The following ASIC2 variants were observed in gnomAD, a reference collection of about 807,000 sequenced individuals.
ASIC2 encodes acid-sensing ion channel 2.
A neutral mutation model predicts 57.3 loss-of-function variants in ASIC2; 25 were observed. The ratio of observed to expected loss-of-function variants is 0.44; its 90% confidence interval spans 0.32 to 0.61. ASIC2 has a LOEUF of 0.61. Among genes scored for constraint, ASIC2 ranks in the 20% least tolerant of loss-of-function variants. The pLI, the probability that ASIC2 is intolerant of heterozygous loss-of-function variation, is 0.06. For missense variants in ASIC2, 641 were observed against 738.1 expected (o/e 0.87, Z 1.52); for synonymous variants, 319 against 307.5 (o/e 1.04, Z -0.39).
intron 1 of ASIC2, among the ~76,000 whole-genome samples, chr17:33,148,637 C>T (rs924821284): frequency 3.9e-5 from 6 of 152,188 alleles, no homozygotes; most frequent in African/African-American, 1.4e-4. Flanking sequence ...TAATAAATTC[C>T]ATACTTCTTT....
At chr17:33,088,773 C>G in intron 3 of ASIC2, 90 bp downstream of exon 3, 13 of 1,451,944 alleles carry the variant, frequency 9.0e-6, no homozygotes, top group Non-Finnish European at 1.1e-5. Context: ...AGCCCTTGAC[C>G]GAGTGGGAAT....
intron 3 of ASIC2, among the ~76,000 whole-genome samples, chr17:33,030,992 A>T (rs1206343339): frequency 6.6e-6 from 1 of 152,088 alleles, no homozygotes; most frequent in Non-Finnish European, 1.5e-5. Flanking sequence ...CCTCCTTGTC[A>T]AGTTTGGGTA....
intron 1 of ASIC2, among the ~76,000 whole-genome samples, chr17:33,303,464 G>T (rs1316428188): frequency 6.6e-6 from 1 of 152,148 alleles, no homozygotes; most frequent in East Asian, 1.9e-4. Flanking sequence ...TAAGTAAATT[G>T]CAGAAGGCCA....
intron 1 of ASIC2, among the ~76,000 whole-genome samples, chr17:33,753,480 T>G (rs1910496962): frequency 6.6e-6 from 1 of 152,152 alleles, no homozygotes; most frequent in African/African-American, 2.4e-5. Context: ...GTTAGTAATG[T>G]GAAAAGAAAA....
At chr17:33,063,593 C>T (rs1246001566) in intron 3 of ASIC2, among the ~76,000 whole-genome samples, 1 of 152,186 alleles carries the variant, frequency 6.6e-6, no homozygotes, top group Admixed American at 6.5e-5. Context: ...CTGCCCTTAA[C>T]ATTTTTTCCT....
At position 33,799,208 on chromosome 17, in the gene ASIC2, GTTCCTTCC is replaced by G. The variant is rs56968316; in HGVS notation, c.555+356762_555+356769del. Among the ~76,000 whole-genome samples the G allele has an allele frequency of 7.0e-4, 106 of 151,582 alleles. 1 individual carries two copies. The East Asian group carries it at 0.017, about 24-fold the overall frequency. Reference sequence around the variant, plus strand: ...ACTCAGAGATATATTTGTGTAATCAGTTCCTTCCTTCCTTCCTTCCTTCTTCTCTTTCC... The same window carrying G: ...ACTCAGAGATATATTTGTGTAATCAGTTCCTTCCTTCCTTCTTCTCTTTCC... On this transcript the variant is annotated intron_variant, in intron 1 of 9. Coordinates refer to the ASIC2 transcript ENST00000359872.
intron 1 of ASIC2, among the ~76,000 whole-genome samples, chr17:33,895,638 CAAATAGCTTTTTA>C (rs1288092257): frequency 6.6e-6 from 1 of 152,166 alleles, no homozygotes; most frequent in Non-Finnish European, 1.5e-5. Context: ...AGCCAACAGA[CAAATAGCTTTTTA>C]AAATCCTTCA....
rs80159865 is a variant in ASIC2, at chr17:33,357,574, G to A, written c.556-245507C>T. On this transcript the variant is annotated intron_variant, in intron 1 of 9. Transcript: ENST00000359872. Reference sequence around the variant, plus strand: ...GCCTTCTTTCTAGTCGGGTAAGGACGTGTTACCAATCTCTCTCCTTTGGAA... The same window carrying A: ...GCCTTCTTTCTAGTCGGGTAAGGACATGTTACCAATCTCTCTCCTTTGGAA... 6.6e-5 allele frequency among the ~76,000 whole-genome samples: 10 copies of A among 152,208 alleles called. No homozygotes were observed. The East Asian group carries it at 1.4e-3, about 21-fold the overall frequency.
intron 1 of ASIC2, among the ~76,000 whole-genome samples, chr17:33,468,238 G>A (rs1912926750): frequency 6.6e-6 from 1 of 152,152 alleles, no homozygotes; most frequent in Non-Finnish European, 1.5e-5. Flanking sequence ...GGCCAAATGA[G>A]TAAATAAATC....
chr17:33,821,864 G>A (rs989499128), intron 1 of ASIC2, among the ~76,000 whole-genome samples: 4 of 152,116 alleles, frequency 2.6e-5, no homozygotes, highest in Non-Finnish European at 5.9e-5. Context: ...TTCTCCGTGG[G>A]GGAACCCAAT....
chr17:33,801,318 G>A (rs1015641081), intron 1 of ASIC2, among the ~76,000 whole-genome samples: 11 of 152,150 alleles, frequency 7.2e-5, no homozygotes, highest in Admixed American at 1.3e-4. Flanking sequence ...GACTAAAATG[G>A]ATCACCAGGC....
chr17:33,019,720 G>A (rs1023949414), intron 7 of ASIC2, among the ~76,000 whole-genome samples: 3 of 152,030 alleles, frequency 2.0e-5, no homozygotes, highest in African/African-American at 4.8e-5. Flanking sequence ...GAACACGATC[G>A]ATGCTGAACA....
Position 33,292,912 on chromosome 17 carries a change from A to AGG in ASIC2, c.-799_-798dup, listed in dbSNP as rs1905561474. On this transcript the variant is annotated 5_prime_UTR_variant, in exon 1 of 10. Coordinates refer to ENST00000225823, the MANE Select transcript of ASIC2 (RefSeq NM_183377.2). Reference sequence around the variant, plus strand: ...AGAGCTTCTCAGGGCGTCCTGCGGGAGGCTGTTCGCCGCCGGGGTCCTTCA... The same window carrying AGG: ...AGAGCTTCTCAGGGCGTCCTGCGGGAGGGGCTGTTCGCCGCCGGGGTCCTTCA... 2.0e-6 allele frequency: 2 copies of AGG among 985,342 alleles called. No homozygotes were observed. Among genetic ancestry groups the AGG allele is most frequent in the Non-Finnish European group, 2.4e-6 (2 of 830,006 alleles). The allele number at this position is 985,342 out of a possible 1,614,324, so 61.0% of individuals were successfully genotyped here. A position where few individuals can be genotyped will look rare whatever the true frequency, so the allele number is the denominator to read the frequency against.
intron 1 of ASIC2, among the ~76,000 whole-genome samples, chr17:34,012,368 G>C (rs1906800948): frequency 6.6e-6 from 1 of 152,158 alleles, no homozygotes. Context: ...CTTCTCTGGT[G>C]CCACTCCCTT....
At chr17:33,287,116 G>T (rs992175362) in intron 1 of ASIC2, among the ~76,000 whole-genome samples, 1 of 152,216 alleles carries the variant, frequency 6.6e-6, no homozygotes, top group South Asian at 2.1e-4. Flanking sequence ...TTATGATAAT[G>T]GCTCTTGAAT....
Position 33,688,077 on chromosome 17 carries a change from A to T in ASIC2, c.555+467901T>A, listed in dbSNP as rs1044226017. 2.0e-5 allele frequency among the ~76,000 whole-genome samples: 3 copies of T among 152,056 alleles called. No homozygotes were observed. The South Asian group carries it at 6.2e-4, about 32-fold the overall frequency. On this transcript the variant is annotated intron_variant, in intron 1 of 9. Coordinates refer to the ASIC2 transcript ENST00000359872. ...TACTCAGTTCCCCACAGATGCAGGGAGAGGGGAATGTGTGTGTTGGGGGTG... is the reference window on the plus strand; with the variant it reads ...TACTCAGTTCCCCACAGATGCAGGGTGAGGGGAATGTGTGTGTTGGGGGTG...
intron 1 of ASIC2, among the ~76,000 whole-genome samples, chr17:33,785,159 T>C (rs1911565108): frequency 6.6e-6 from 1 of 151,708 alleles, no homozygotes; most frequent in Non-Finnish European, 1.5e-5. Context: ...GGTGTCCTTA[T>C]AGGAAGAGGA....
rs377008007 is a variant in ASIC2, at chr17:33,524,946, A to G, written c.556-412879T>C. Among the ~76,000 whole-genome samples the G allele has an allele frequency of 9.1e-4, 139 of 152,146 alleles. 1 individual carries two copies. The highest frequency in any genetic ancestry group is 3.3e-3 in the African/African-American group (138 of 41,440). ...GTAGACAGTGCCTAGGGAGCCCAGC[A>G]GCTCCCTTGGGAATGTGATTCCAGG... On this transcript the variant is annotated intron_variant, in intron 1 of 9. Transcript: ENST00000359872.
At chr17:33,623,431 T>G (rs910368564) in intron 1 of ASIC2, 4 of 151,812 alleles carry the variant, frequency 2.6e-5, no homozygotes, top group Admixed American at 2.6e-4. Flanking sequence ...AGCCAATTTT[T>G]TTTTTTTTTG....
Sources: allele counts gnomAD v4.1 joint callset (sites outside exome capture counted in the v4.1 genomes callset), GRCh38; gene constraint gnomAD v4.1.1; transcripts MANE v1.5; gene names NCBI Gene and HGNC (gene_info 2026-07-23, HGNC 2026-07-21).